MMP16: variants seen among roughly 807,000 people sequenced by gnomAD.
MMP16 encodes the protein matrix metalloproteinase-16.
MMP16 carries 12 observed loss-of-function variants against 67.8 expected under a neutral mutation model. That is an observed-to-expected ratio of 0.18 (90% CI 0.11 to 0.29). MMP16 has a LOEUF of 0.29. MMP16 is among the 10% of genes least tolerant of loss of function. The pLI, the probability that MMP16 is intolerant of heterozygous loss-of-function variation, is 1.00. For missense variants in MMP16, 475 were observed against 765.7 expected (o/e 0.62, Z 4.48); for synonymous variants, 249 against 255.9 (o/e 0.97, Z 0.26).
chr8:88,068,847 G>A (rs1039584254), intron 7 of MMP16, among the ~76,000 whole-genome samples: 7 of 151,964 alleles, frequency 4.6e-5, no homozygotes, highest in Non-Finnish European at 8.8e-5. Flanking sequence ...GATTGCAGAA[G>A]CCTGCCACCA....
intron 1 of MMP16, among the ~76,000 whole-genome samples, chr8:88,281,241 T>C (rs891988719): frequency 6.6e-6 from 1 of 152,236 alleles, no homozygotes; most frequent in African/African-American, 2.4e-5. Context: ...AAACTATTAA[T>C]AAGAATTCAT....
intron 1 of MMP16, among the ~76,000 whole-genome samples, chr8:88,285,858 C>T (rs1810822377): frequency 1.3e-5 from 2 of 152,180 alleles, no homozygotes; most frequent in Non-Finnish European, 2.9e-5. Flanking sequence ...TAAACAAATT[C>T]AGGCATTCCT....
At chr8:88,047,949 G>T (rs1370582573) in intron 8 of MMP16, among the ~76,000 whole-genome samples, 1 of 152,126 alleles carries the variant, frequency 6.6e-6, no homozygotes, top group Non-Finnish European at 1.5e-5. Context: ...CAAGGCATTT[G>T]GGATATATTT....
chr8:88,129,700 GA>G (rs1807994719), intron 4 of MMP16, among the ~76,000 whole-genome samples: 1 of 151,056 alleles, frequency 6.6e-6, no homozygotes, highest in Non-Finnish European at 1.5e-5. Flanking sequence ...TTTTCATAAA[GA>G]TATACAATAG....
intron 1 of MMP16, among the ~76,000 whole-genome samples, chr8:88,233,630 A>G (rs1053006018): frequency 6.6e-6 from 1 of 152,170 alleles, no homozygotes; most frequent in African/African-American, 2.4e-5. Context: ...AGCACCTTCC[A>G]CTACGGAAGC....
At chr8:88,251,314 A>T (rs1810216944) in intron 1 of MMP16, among the ~76,000 whole-genome samples, 1 of 151,686 alleles carries the variant, frequency 6.6e-6, no homozygotes, top group Non-Finnish European at 1.5e-5. Flanking sequence ...AATGGAACAG[A>T]ACAGAGTCCT....
chr8:88,113,872 G>T (rs928019154), intron 6 of MMP16, among the ~76,000 whole-genome samples: 6 of 151,970 alleles, frequency 3.9e-5, no homozygotes, highest in Non-Finnish European at 8.8e-5. Flanking sequence ...CTAGCCTACA[G>T]TATGAGTGCA....
chr8:88,277,951 A>T (rs1212785200), intron 1 of MMP16, among the ~76,000 whole-genome samples: 1 of 152,210 alleles, frequency 6.6e-6, no homozygotes, highest in Non-Finnish European at 1.5e-5. Flanking sequence ...CTTCTCCAGC[A>T]CTACTGATTG....
At chr8:88,104,893 A>C (rs1809210776) in intron 6 of MMP16, among the ~76,000 whole-genome samples, 1 of 151,568 alleles carries the variant, frequency 6.6e-6, no homozygotes, top group South Asian at 2.1e-4. Flanking sequence ...AAAACACAAA[A>C]CATTTTCAAT....
chr8:88,120,557 G>A (rs1691411897), intron 4 of MMP16, among the ~76,000 whole-genome samples: 1 of 151,866 alleles, frequency 6.6e-6, no homozygotes, highest in Admixed American at 6.6e-5. Context: ...AATGGGCTAA[G>A]TGAAAGGATA....
chr8:88,074,260 T>G (rs896986625), intron 7 of MMP16, among the ~76,000 whole-genome samples: 1 of 152,138 alleles, frequency 6.6e-6, no homozygotes, highest in Admixed American at 6.6e-5. Flanking sequence ...TAATAGATTT[T>G]ATTACCTAAA....
intron 1 of MMP16, among the ~76,000 whole-genome samples, chr8:88,210,622 T>A (rs1036499760): frequency 6.6e-6 from 1 of 152,152 alleles, no homozygotes; most frequent in Non-Finnish European, 1.5e-5. Context: ...ATCACACATA[T>A]AGCAAAGATT....
At chr8:88,142,065 CA>C (rs1563544072) in intron 4 of MMP16, among the ~76,000 whole-genome samples, 2 of 151,738 alleles carry the variant, frequency 1.3e-5, no homozygotes, top group Non-Finnish European at 2.9e-5. Flanking sequence ...CTTAGGCGCA[CA>C]GCTAATTTTT....
rs750344988 is a variant in MMP16 at position 88,069,467 on chromosome 8, C to G, written c.1222+5138G>C. The G allele has an allele frequency of 7.5e-6, 4 of 531,468 alleles. No individual in the cohort carries two copies. The African/African-American group carries it at 7.7e-5, about 10-fold the overall frequency. The allele number at this position is 531,468 out of a possible 1,614,324, so 32.9% of individuals were successfully genotyped here. The stretch of plus-strand genomic sequence containing the variant: ...ACTGCCTTTGTTCTAGAATCCATTT[C>G]CAATGGTATTTGTAGAGCCAACCAT... On this transcript the variant is annotated intron_variant, in intron 7 of 9. Coordinates refer to ENST00000286614, the MANE Select transcript of MMP16 (RefSeq NM_005941.5).
At chr8:88,317,685 AC>A (rs1054687072) in intron 1 of MMP16, among the ~76,000 whole-genome samples, 1 of 152,140 alleles carries the variant, frequency 6.6e-6, no homozygotes, top group African/African-American at 2.4e-5. Flanking sequence ...CTAGATTTTT[AC>A]CTTTGTTAGT....
At chr8:88,274,959 A>G (rs1810622622) in intron 1 of MMP16, among the ~76,000 whole-genome samples, 1 of 143,654 alleles carries the variant, frequency 7.0e-6, no homozygotes, top group Non-Finnish European at 1.5e-5. Context: ...GCATATGTAT[A>G]CAAACTCACA....
intron 4 of MMP16, among the ~76,000 whole-genome samples, chr8:88,148,654 T>C (rs1487458381): frequency 1.3e-5 from 2 of 152,210 alleles, no homozygotes; most frequent in African/African-American, 4.8e-5. Context: ...GTTTTACTGA[T>C]CATTTGGAGA....
At chr8:88,312,882 T>C (rs943814955) in intron 1 of MMP16, among the ~76,000 whole-genome samples, 4 of 152,060 alleles carry the variant, frequency 2.6e-5, no homozygotes, top group Non-Finnish European at 5.9e-5. Context: ...GCAGGAGAAT[T>C]GCTTGAACCC....
intron 1 of MMP16, among the ~76,000 whole-genome samples, chr8:88,232,182 T>C (rs1378508328): frequency 6.6e-6 from 1 of 152,142 alleles, no homozygotes; most frequent in Non-Finnish European, 1.5e-5. Flanking sequence ...AGATATTTAA[T>C]GTCAATTTAA....
Sources: allele counts gnomAD v4.1 joint callset (sites outside exome capture counted in the v4.1 genomes callset), GRCh38; gene constraint gnomAD v4.1.1; transcripts MANE v1.5; gene names NCBI Gene and HGNC (gene_info 2026-07-23, HGNC 2026-07-21).